AGBL4: variants seen among roughly 807,000 people sequenced by gnomAD.
AGBL4 encodes the protein cytosolic carboxypeptidase 6.
A neutral mutation model predicts 66.4 loss-of-function variants in AGBL4; 58 were observed. That is an observed-to-expected ratio of 0.87 (90% CI 0.71 to 1.09). The LOEUF (loss-of-function observed/expected upper bound fraction) is 1.09. AGBL4 is among the 50% of genes least tolerant of loss of function. The pLI, the probability that AGBL4 is intolerant of heterozygous loss-of-function variation, is 0.00. For missense variants in AGBL4, 579 were observed against 631.0 expected (o/e 0.92, Z 0.88); for synonymous variants, 234 against 222.9 (o/e 1.05, Z -0.44).
intron 3 of AGBL4, among the ~76,000 whole-genome samples, chr1:49,399,816 T>C (rs1360993568): frequency 1.3e-5 from 2 of 152,130 alleles, no homozygotes; most frequent in African/African-American, 4.8e-5. Flanking sequence ...ACTTTGTTTA[T>C]TGTTTTCTTT....
At position 48,769,572 on chromosome 1, in the gene AGBL4, A is replaced by C. The variant is rs1001477088; in HGVS notation, c.634+97619T>G. ...ACACACACACACACACACACACACA[A>C]GTTAAATTTTAAACTTGTATGCTCC... On this transcript the variant is annotated intron_variant, in intron 6 of 13. Transcript: ENST00000371839. 1.9e-4 allele frequency among the ~76,000 whole-genome samples: 12 copies of C among 62,734 alleles called. No homozygotes were observed. The East Asian group carries it at 3.3e-3, about 17-fold the overall frequency. The allele number at this position is 62,734 out of a possible 152,430, so 41.2% of individuals were successfully genotyped here. A position where few individuals can be genotyped will look rare whatever the true frequency, so the allele number is the denominator to read the frequency against.
chr1:49,672,921 C>CAAAAAAAAAAAAAAAAAAA (rs60612868), intron 3 of AGBL4, among the ~76,000 whole-genome samples: 1 of 47,058 alleles, frequency 2.1e-5, no homozygotes, highest in Non-Finnish European at 5.0e-5. Context: ...AACTCCATCT[C>CAAAAAAAAAAAAAAAAAAA]AAAAAAAAAA....
chr1:48,744,344 T>C (rs1650398574), intron 6 of AGBL4, among the ~76,000 whole-genome samples: 2 of 152,242 alleles, frequency 1.3e-5, no homozygotes, highest in African/African-American at 2.4e-5. Flanking sequence ...CTTCTCTCTG[T>C]GTGGGATCAC....
intron 1 of AGBL4, among the ~76,000 whole-genome samples, chr1:49,983,824 C>T (rs1006962300): frequency 6.6e-6 from 1 of 152,226 alleles, no homozygotes; most frequent in South Asian, 2.1e-4. Context: ...ATGCATTTCA[C>T]TGTGACTCCC....
chr1:49,874,147 A>G (rs1646910462), intron 1 of AGBL4, among the ~76,000 whole-genome samples: 1 of 152,068 alleles, frequency 6.6e-6, no homozygotes, highest in South Asian at 2.1e-4. Context: ...TGCTAGAAAA[A>G]CTGAACATCT....
At chr1:49,821,144 T>A (rs1359201213) in intron 2 of AGBL4, among the ~76,000 whole-genome samples, 2 of 152,218 alleles carry the variant, frequency 1.3e-5, no homozygotes, top group Non-Finnish European at 2.9e-5. Flanking sequence ...CGGTCCAGTA[T>A]GCTTTTAAAA....
intron 3 of AGBL4, among the ~76,000 whole-genome samples, chr1:49,472,768 A>G (rs990985113): frequency 1.3e-5 from 2 of 152,016 alleles, no homozygotes; most frequent in Non-Finnish European, 2.9e-5. Context: ...CTGTCACCCA[A>G]GTAGTGAACA....
At chr1:49,071,759 T>A (rs1644608670) in intron 4 of AGBL4, among the ~76,000 whole-genome samples, 1 of 151,938 alleles carries the variant, frequency 6.6e-6, no homozygotes, top group Admixed American at 6.6e-5. Context: ...GTATATTAGG[T>A]CCACTTGGTC....
chr1:48,787,581 C>A (rs1645439671), intron 6 of AGBL4, among the ~76,000 whole-genome samples: 1 of 152,184 alleles, frequency 6.6e-6, no homozygotes, highest in East Asian at 1.9e-4. Flanking sequence ...CTCATATATA[C>A]AACATACAAT....
intron 3 of AGBL4, among the ~76,000 whole-genome samples, chr1:49,352,808 C>A (rs1411338806): frequency 6.6e-6 from 1 of 152,086 alleles, no homozygotes; most frequent in Non-Finnish European, 1.5e-5. Flanking sequence ...TCAATAGGAC[C>A]CATAATAATT....
intron 3 of AGBL4, among the ~76,000 whole-genome samples, chr1:49,672,844 C>T (rs560597442): frequency 2.2e-4 from 33 of 150,286 alleles, no homozygotes; most frequent in African/African-American, 8.1e-4. Context: ...TCGCTTGAAC[C>T]CAGGAGGTGG....
At chr1:49,797,024 T>C (rs1227785512) in intron 2 of AGBL4, among the ~76,000 whole-genome samples, 1 of 152,184 alleles carries the variant, frequency 6.6e-6, no homozygotes, top group Non-Finnish European at 1.5e-5. Flanking sequence ...TAGCATTGTG[T>C]TATCCTTATA....
chr1:49,851,862 A>G (rs1207928929), intron 1 of AGBL4, among the ~76,000 whole-genome samples: 1 of 152,160 alleles, frequency 6.6e-6, no homozygotes, highest in Non-Finnish European at 1.5e-5. Flanking sequence ...ATCAAAATCC[A>G]AGAGATATTC....
chr1:49,893,465 C>G (rs776106773), intron 1 of AGBL4, among the ~76,000 whole-genome samples: 1 of 152,184 alleles, frequency 6.6e-6, no homozygotes, highest in Non-Finnish European at 1.5e-5. Context: ...CATTTCTGGA[C>G]CAGTCCTGGG....
chr1:49,226,124 C>T (rs1355680542), intron 4 of AGBL4, among the ~76,000 whole-genome samples: 1 of 152,140 alleles, frequency 6.6e-6, no homozygotes, highest in Non-Finnish European at 1.5e-5. Flanking sequence ...TATATTCTTT[C>T]TTGTCAGTAT....
intron 4 of AGBL4, among the ~76,000 whole-genome samples, chr1:49,095,494 T>C (rs114715041): frequency 9.5e-4 from 144 of 152,226 alleles, no homozygotes; most frequent in Non-Finnish European, 1.8e-3. Context: ...GAGATAGATA[T>C]AGACCAATGG....
chr1:49,331,667 G>A (rs1645336936), intron 3 of AGBL4, among the ~76,000 whole-genome samples: 1 of 151,752 alleles, frequency 6.6e-6, no homozygotes, highest in South Asian at 2.1e-4. Flanking sequence ...CTGGGACGGA[G>A]AGCCCGGCGG....
chr1:49,120,468 T>C (rs1645629582), intron 4 of AGBL4, among the ~76,000 whole-genome samples: 1 of 152,140 alleles, frequency 6.6e-6, no homozygotes, highest in Non-Finnish European at 1.5e-5. Flanking sequence ...AGTTGAAAAG[T>C]CTTTTCTTGA....
chr1:48,635,198 G>A (rs1355373119), intron 8 of AGBL4, among the ~76,000 whole-genome samples: 1 of 152,120 alleles, frequency 6.6e-6, no homozygotes, highest in East Asian at 1.9e-4. Flanking sequence ...GACATTTTAG[G>A]CTTGGACTTG....
Sources: gnomAD v4.1 joint callset for allele counts (sites outside exome capture counted in the v4.1 genomes callset) on GRCh38, gnomAD v4.1.1 for gene constraint, MANE v1.5 for transcripts, NCBI Gene and HGNC (gene_info 2026-07-23, HGNC 2026-07-21) for gene names.